Variants in BRAF observed in about 807,000 individuals in gnomAD.
BRAF encodes B-Raf proto-oncogene, serine/threonine kinase.
A neutral mutation model predicts 104.6 loss-of-function variants in BRAF; 16 were observed. That is an observed-to-expected ratio of 0.15 (90% CI 0.10 to 0.23). The LOEUF (loss-of-function observed/expected upper bound fraction) is 0.23, where lower values mean the gene tolerates loss of function less well. BRAF is among the 10% of genes least tolerant of loss of function. The pLI, the probability that BRAF is intolerant of heterozygous loss-of-function variation, is 1.00. For missense variants in BRAF, 541 were observed against 937.3 expected (o/e 0.58, Z 5.52); for synonymous variants, 310 against 341.6 (o/e 0.91, Z 1.02).
intron 3 of BRAF, among the ~76,000 whole-genome samples, chr7:140,825,094 C>T (rs377735320): frequency 6.6e-6 from 1 of 151,706 alleles, no homozygotes; most frequent in African/African-American, 2.4e-5. Flanking sequence ...CTCAGCCTCC[C>T]GAGCAGCTGG....
In BRAF at chr7:140,719,906, A is replaced by ATG; in HGVS notation, c.*6586_*6587dup. ...CCTTTGGCAGTAACAGAAAAGAGGA[A>ATG]TGTGTGTGTGAGTCGCCATAAGGTT... On this transcript the variant is annotated 3_prime_UTR_variant, in exon 20 of 20. Transcript: ENST00000644969. 9.4e-7 allele frequency: 1 copy of ATG among 1,061,842 alleles called. No individual in the cohort carries two copies. The highest frequency in any genetic ancestry group is 1.1e-6 in the Non-Finnish European group (1 of 877,100). 65.8% of individuals were successfully genotyped at this position (1,061,842 alleles called of 1,614,324 possible).
At chr7:140,908,453 G>C (rs1281955305) in intron 1 of BRAF, among the ~76,000 whole-genome samples, 1 of 151,922 alleles carries the variant, frequency 6.6e-6, no homozygotes, top group Non-Finnish European at 1.5e-5. Context: ...CTCCACACGT[G>C]ATTTGCCTTT....
At chr7:140,748,816 A>T (rs1202862873) in intron 17 of BRAF, 1 of 158,972 alleles carries the variant, frequency 6.3e-6, no homozygotes, top group Non-Finnish European at 1.4e-5. Context: ...TAGCATTCTC[A>T]TTATAGAAAA....
At chr7:140,786,339 G>C (rs1801355595) in intron 9 of BRAF, among the ~76,000 whole-genome samples, 1 of 152,156 alleles carries the variant, frequency 6.6e-6, no homozygotes, top group African/African-American at 2.4e-5. Flanking sequence ...ATATTGTTGA[G>C]TCTGGGCTTA....
At chr7:140,839,209 T>C (rs1274918731) in intron 2 of BRAF, among the ~76,000 whole-genome samples, 2 of 152,146 alleles carry the variant, frequency 1.3e-5, no homozygotes, top group East Asian at 1.9e-4. Flanking sequence ...GCATGTTGGC[T>C]CACGCCTGCA....
chr7:140,888,252 G>A (rs1181622014), intron 1 of BRAF, among the ~76,000 whole-genome samples: 1 of 152,162 alleles, frequency 6.6e-6, no homozygotes, highest in Non-Finnish European at 1.5e-5. Flanking sequence ...GAGGTCTGCT[G>A]AAGGCTGGGC....
chr7:140,872,816 T>C (rs10233009), intron 1 of BRAF, among the ~76,000 whole-genome samples: 4,318 of 152,260 alleles, frequency 0.028, 215 homozygotes, highest in African/African-American at 0.096. Context: ...TGAGCCATGA[T>C]TGTACCACTG....
chr7:140,787,918 A>C (rs1801561625), intron 8 of BRAF, among the ~76,000 whole-genome samples: 1 of 152,208 alleles, frequency 6.6e-6, no homozygotes, highest in Non-Finnish European at 1.5e-5. Context: ...CTCACTTATA[A>C]GTGGGAGCTG....
intron 2 of BRAF, among the ~76,000 whole-genome samples, chr7:140,842,945 T>C (rs1234139012): frequency 3.9e-5 from 6 of 152,178 alleles, no homozygotes. Flanking sequence ...TTCTCTGTTT[T>C]GCTACAATGA....
At chr7:140,759,482 G>T (rs1012934362) in intron 14 of BRAF, among the ~76,000 whole-genome samples, 1 of 152,200 alleles carries the variant, frequency 6.6e-6, no homozygotes, top group African/African-American at 2.4e-5. Flanking sequence ...TGCCTCCCGG[G>T]TTCAAGTGAT....
chr7:140,720,047 T>C lies in BRAF; in HGVS notation c.*6447A>G, dbSNP rs1438432151. The stretch of plus-strand genomic sequence containing the variant: ...CCAAGGAATACATGAAAAGGGGGGA[T>C]TTCCTTTTTCTTGGTCTAAACCAAA... On this transcript the variant is annotated 3_prime_UTR_variant, in exon 20 of 20. Coordinates refer to ENST00000644969, the MANE Select transcript of BRAF (RefSeq NM_001374258.1). 1 of 1,061,202 alleles carries C rather than the reference T, an allele frequency of 9.4e-7. No homozygotes were observed. 65.7% of individuals were successfully genotyped at this position (1,061,202 alleles called of 1,614,324 possible).
intron 1 of BRAF, among the ~76,000 whole-genome samples, chr7:140,882,799 C>T (rs574200850): frequency 6.6e-6 from 1 of 152,028 alleles, no homozygotes; most frequent in Admixed American, 6.5e-5. Flanking sequence ...TGGAGACCAA[C>T]CTGACCAACA....
At chr7:140,788,927 T>C (rs974898895) in intron 8 of BRAF, among the ~76,000 whole-genome samples, 3 of 151,172 alleles carry the variant, frequency 2.0e-5, no homozygotes, top group African/African-American at 7.3e-5. Context: ...TAGCTCTTTA[T>C]GCGCCGGGTG....
intron 1 of BRAF, among the ~76,000 whole-genome samples, chr7:140,907,376 C>T (rs1035318367): frequency 6.6e-6 from 1 of 151,996 alleles, no homozygotes; most frequent in Non-Finnish European, 1.5e-5. Context: ...ATTCTCCTGC[C>T]TCAGCCTCCC....
chr7:140,732,919 CCTAT>C (rs926019045), intron 19 of BRAF: 48 of 152,198 alleles, frequency 3.2e-4, no homozygotes, highest in Admixed American at 3.1e-3. Context: ...TGAATAAAAC[CCTAT>C]CTAACAATTA....
chr7:140,720,680 GTCTC>G lies in BRAF; in HGVS notation c.*5810_*5813del. ...TTTACTGCCACCTCACCCCATTTTG[GTCTC>G]TGTTCTCTACATCTGTGCCTACTCT... On this transcript the variant is annotated 3_prime_UTR_variant, in exon 20 of 20. Coordinates refer to ENST00000644969, the MANE Select transcript of BRAF (RefSeq NM_001374258.1). 9.4e-7 allele frequency: 1 copy of G among 1,065,534 alleles called. No individual in the cohort carries two copies. Among genetic ancestry groups the G allele is most frequent in the Non-Finnish European group, 1.1e-6 (1 of 879,562 alleles). The allele number at this position is 1,065,534 out of a possible 1,614,324, so 66.0% of individuals were successfully genotyped here. A position where few individuals can be genotyped will look rare whatever the true frequency, so the allele number is the denominator to read the frequency against.
intron 18 of BRAF, among the ~76,000 whole-genome samples, chr7:140,737,915 T>C (rs917880617): frequency 6.6e-6 from 1 of 152,194 alleles, no homozygotes; most frequent in Non-Finnish European, 1.5e-5. Flanking sequence ...TATTTAGAAG[T>C]ATGGAGCTAA....
chr7:140,748,419 C>T (rs1029277276), intron 17 of BRAF, among the ~76,000 whole-genome samples: 20 of 152,098 alleles, frequency 1.3e-4, no homozygotes, highest in Non-Finnish European at 2.1e-4. Context: ...GGTGATTGGA[C>T]CCTCCCCATT....
rs1162430832 is a variant in BRAF at position 140,721,002 on chromosome 7, A to T, written c.*5492T>A. ...GCCGGGAGAAGCAGATGGTTTGTACAAACATTTTTTGATACTACCATGAAT... is the reference window on the plus strand; with the variant it reads ...GCCGGGAGAAGCAGATGGTTTGTACTAACATTTTTTGATACTACCATGAAT... On this transcript the variant is annotated 3_prime_UTR_variant, in exon 20 of 20. Transcript: ENST00000644969. 8 of 1,064,262 alleles carry T rather than the reference A, an allele frequency of 7.5e-6. No individual in the cohort carries two copies. Among genetic ancestry groups the T allele is most frequent in the Non-Finnish European group, 9.1e-6 (8 of 878,794 alleles). 65.9% of individuals were successfully genotyped at this position (1,064,262 alleles called of 1,614,324 possible). A position where few individuals can be genotyped will look rare whatever the true frequency, so the allele number is the denominator to read the frequency against.
Sources: allele counts gnomAD v4.1 joint callset (sites outside exome capture counted in the v4.1 genomes callset), GRCh38; gene constraint gnomAD v4.1.1; transcripts MANE v1.5; gene names NCBI Gene and HGNC (gene_info 2026-07-23, HGNC 2026-07-21).